TLE2: variants seen among roughly 807,000 people sequenced by gnomAD.
TLE2 encodes TLE family member 2, transcriptional corepressor.
Under a neutral mutation model 97.2 loss-of-function variants are expected in TLE2, and 74 were observed. The ratio of observed to expected loss-of-function variants is 0.76; its 90% CI spans 0.63 to 0.92. TLE2 has a LOEUF of 0.92. Ranked by LOEUF, TLE2 falls within the 40% of genes least tolerant of loss-of-function variation. The probability of loss-of-function intolerance (pLI) is 0.00; values close to 1 mark genes in which losing one functional copy is unlikely to be tolerated. For synonymous variants in TLE2, 499 were observed against 432.1 expected, an observed-to-expected ratio of 1.15 and a Z score of -1.92; for missense variants, 1,038 against 1,008.7, an observed-to-expected ratio of 1.03 and a Z score of -0.39.
intron 7 of TLE2, among the ~76,000 whole-genome samples, chr19:3,018,245 T>C (rs1280246371): frequency 1.3e-5 from 2 of 151,880 alleles, no homozygotes; most frequent in Non-Finnish European, 2.9e-5. Flanking sequence ...GATTGTCCCA[T>C]CTCAGCCTCC....
intron 1 of TLE2, among the ~76,000 whole-genome samples, chr19:3,039,587 T>G (rs1356241107): frequency 6.6e-6 from 1 of 152,180 alleles, no homozygotes; most frequent in Admixed American, 6.6e-5. Flanking sequence ...TCCCTCAGTC[T>G]TCCGAGGCCT....
In TLE2 at chr19:3,028,403, A is replaced by G. The variant is rs201915733; in HGVS notation, c.123-21T>C. On this transcript the variant is annotated intron_variant, in intron 2 of 19. Transcript: ENST00000262953. Reference sequence around the variant, plus strand: ...TGAGGCTGAGAAGAAGAGAGAGGGCAAGGGGCTCCCACCCGCCCCATGTGG... The same window carrying G: ...TGAGGCTGAGAAGAAGAGAGAGGGCGAGGGGCTCCCACCCGCCCCATGTGG... 5.2e-4 allele frequency: 823 copies of G among 1,588,476 alleles called. 5 individuals are homozygous for G. The African/African-American group carries it at 0.01, about 20-fold the overall frequency.
chr19:3,028,808 G>T lies in TLE2; in HGVS notation c.25-5C>A, dbSNP rs201241725. The T allele has an allele frequency of 1.1e-5, 17 of 1,612,234 alleles. No individual in the cohort carries two copies. Among genetic ancestry groups the T allele is most frequent in the Admixed American group, 5.0e-5 (3 of 60,004 alleles). ...CTGGCCGGACTGGAGCGGGGTCTGG[G>T]GGGGGTGTGGGGGAAACGTCAGGGT... On this transcript the variant is annotated splice_region_variant and splice_polypyrimidine_tract_variant and intron_variant, in intron 1 of 19. Coordinates refer to ENST00000262953, the MANE Select transcript of TLE2 (RefSeq NM_003260.5).
Position 3,017,843 on chromosome 19 carries a change from G to C in TLE2, c.567C>G (p.Ser189Arg). Residue 189 changes from serine to arginine, a missense_variant, in exon 8 of 20, where the codon AGC becomes AGG. Coordinates refer to ENST00000262953, the MANE Select transcript of TLE2 (RefSeq NM_003260.5). ...AEGSRVERAP[S>R]RSASPSPPES... ...TCCCAGGGTGCCACTCACTTACCCT[G>C]CTCGGGGCTCTCTCCACTGACAGAT... is the stretch of plus-strand genomic sequence containing the variant. 6.2e-7 allele frequency: 1 copy of C among 1,612,348 alleles called. No homozygotes were observed. Among genetic ancestry groups the C allele is most frequent in the Non-Finnish European group, 8.5e-7 (1 of 1,179,210 alleles).
At position 3,009,452 on chromosome 19, in the gene TLE2, C is replaced by T. The variant is rs767629559; in HGVS notation, c.1173+90G>A. On this transcript the variant is annotated intron_variant, in intron 13 of 19. Transcript: ENST00000262953. ...GGGCTCCCTTCCCTTTCTGCACTCCCTTGTCTCTCCTTGTGTAGTTGGTTT... is the reference window on the plus strand; with the variant it reads ...GGGCTCCCTTCCCTTTCTGCACTCCTTTGTCTCTCCTTGTGTAGTTGGTTT... The T allele has an allele frequency of 7.1e-4, 1,016 of 1,428,174 alleles. 14 individuals are homozygous for T. The highest frequency in any genetic ancestry group is 2.5e-4 in the Middle Eastern group (1 of 3,956). The allele number at this position is 1,428,174 out of a possible 1,614,324, so 88.5% of individuals were successfully genotyped here. A position where few individuals can be genotyped will look rare whatever the true frequency, so the allele number is the denominator to read the frequency against.
chr19:3,026,126 T>C (rs779232087), intron 4 of TLE2, among the ~76,000 whole-genome samples: 1 of 152,154 alleles, frequency 6.6e-6, no homozygotes, highest in Non-Finnish European at 1.5e-5. Context: ...GGATTAAGCA[T>C]GGACCACTAA....
In TLE2 at chr19:3,029,060, C is replaced by A; in HGVS notation, c.-156G>T. 1 of 1,349,700 alleles carries A rather than the reference C, an allele frequency of 7.4e-7. No individual in the cohort carries two copies. The highest frequency in any genetic ancestry group is 9.5e-7 in the Non-Finnish European group (1 of 1,048,038). The allele number at this position is 1,349,700 out of a possible 1,614,324, so 83.6% of individuals were successfully genotyped here. ...GGGCAAGGGACCCTGGAGTCCCTGG[C>A]GCGCCCCCAAGCGCGCGCGCCCGGG... On this transcript the variant is annotated 5_prime_UTR_variant, in exon 1 of 20. Transcript: ENST00000262953.
At chr19:3,022,542 A>T (rs8111765) in intron 5 of TLE2, among the ~76,000 whole-genome samples, 11,280 of 151,854 alleles carry the variant, frequency 0.074, 447 homozygotes, top group South Asian at 0.097. Flanking sequence ...AAAAAAAAAA[A>T]TTTTTTTAAG....
intron 1 of TLE2, among the ~76,000 whole-genome samples, chr19:3,042,049 C>T (rs2090107388): frequency 6.6e-6 from 1 of 151,588 alleles, no homozygotes; most frequent in Admixed American, 6.6e-5. Context: ...CCGACAGGCC[C>T]GGGCAGGCCC....
intron 5 of TLE2, among the ~76,000 whole-genome samples, chr19:3,022,354 C>T (rs796602790): frequency 7.2e-5 from 11 of 151,954 alleles, no homozygotes; most frequent in African/African-American, 2.7e-4. Context: ...AAACCACCCC[C>T]CCACCCCATC....
intron 5 of TLE2, among the ~76,000 whole-genome samples, chr19:3,021,202 C>T (rs1229958488): frequency 2.7e-5 from 4 of 148,042 alleles, no homozygotes; most frequent in African/African-American, 2.5e-5. Context: ...ATCAGGAGTT[C>T]GAGACCAACC....
At chr19:3,032,941 G>A (rs202053763), upstream of TLE2, among the ~76,000 whole-genome samples, 2 of 146,192 alleles carry the variant, frequency 1.4e-5, no homozygotes, top group Non-Finnish European at 3.0e-5. The surrounding 1 kb of genome is among the most constrained non-coding windows in gnomAD (Gnocchi z 4.1). Context: ...CTTGTTGGTT[G>A]TTTTTTTTTT....
At chr19:3,033,970 C>T (rs1369677847), upstream of TLE2, among the ~76,000 whole-genome samples, 2 of 152,132 alleles carry the variant, frequency 1.3e-5, no homozygotes, top group Non-Finnish European at 2.9e-5. Context: ...TCCCTCCAGG[C>T]TTCAGTGACC....
chr19:3,036,770 C>G (rs73518037), intron 1 of TLE2, among the ~76,000 whole-genome samples: 2,700 of 152,340 alleles, frequency 0.018, 93 homozygotes, highest in African/African-American at 0.061. Flanking sequence ...CCGTGCTGTT[C>G]TGCCTGGGAG....
At position 3,014,579 on chromosome 19, in the gene TLE2, C is replaced by T. The variant is rs1022264257; in HGVS notation, c.714G>A (p.Val238=). 2.5e-6 allele frequency: 4 copies of T among 1,590,550 alleles called. No individual in the cohort carries two copies. The highest frequency in any genetic ancestry group is 3.4e-6 in the Non-Finnish European group (4 of 1,168,334). The change falls in exon 10 of 20, where the codon GTG becomes GTA. Residue 238 remains valine (V), a synonymous_variant. Coordinates refer to ENST00000262953, the MANE Select transcript of TLE2 (RefSeq NM_003260.5). ...GGACCCCTGGACTCACCTCGTCCAC[C>T]ACCAGATTGTAATCACTCTTGTCTT... is the stretch of plus-strand genomic sequence containing the variant. ...SDEDKSDYNL[V]VDEDQPSEPP... is the part of the protein sequence containing the mutation.
upstream of TLE2, among the ~76,000 whole-genome samples, chr19:3,047,189 G>A (rs1281589100): frequency 1.3e-4 from 9 of 66,980 alleles, no homozygotes; most frequent in East Asian, 4.5e-3. Flanking sequence ...CCCGTCCTCC[G>A]CCTCATTAGG....
chr19:3,018,689 A>T (rs970115199), intron 7 of TLE2, among the ~76,000 whole-genome samples: 3 of 151,332 alleles, frequency 2.0e-5, no homozygotes, highest in Admixed American at 6.6e-5. Flanking sequence ...ATCTTGGCTC[A>T]CTGCAACCTC....
At chr19:3,032,326 C>T (rs536052771), upstream of TLE2, among the ~76,000 whole-genome samples, 55 of 152,270 alleles carry the variant, frequency 3.6e-4, 1 homozygote, top group South Asian at 7.5e-3. This position sits in a 1 kb window ranked among gnomAD's most constrained non-coding sequence, Gnocchi z 4.1. Context: ...CAACCTCTGC[C>T]TTCTGGGCTC....
intron 11 of TLE2, among the ~76,000 whole-genome samples, chr19:3,012,834 C>G (rs1197632110): frequency 6.6e-6 from 1 of 152,182 alleles, no homozygotes; most frequent in Non-Finnish European, 1.5e-5. Context: ...TCCCATGACA[C>G]CATCGCACAA....
Sources: gnomAD v4.1 joint callset for allele counts (sites outside exome capture counted in the v4.1 genomes callset) on GRCh38, gnomAD v4.1.1 for gene constraint, Gnocchi (gnomAD v3.1) non-coding constraint, MANE v1.5 for transcripts, NCBI Gene and HGNC (gene_info 2026-07-23, HGNC 2026-07-21) for gene names.